DESI1: variants seen among roughly 807,000 people sequenced by gnomAD.
DESI1 encodes desumoylating isopeptidase 1.
A neutral mutation model predicts 22.4 loss-of-function variants in DESI1; 17 were observed. The observed-to-expected ratio is 0.76, with a 90% CI of 0.52 to 1.14. The LOEUF is 1.14. DESI1 is among the 50% of genes most tolerant of loss of function. The pLI is 0.00. For synonymous variants in DESI1, 92 were observed against 84.2 expected (o/e 1.09, Z -0.51); for missense variants, 177 against 208.9 (o/e 0.85, Z 0.94).
At chr22:41,611,870 C>A (rs935680430) in intron 1 of DESI1, among the ~76,000 whole-genome samples, 2 of 152,076 alleles carry the variant, frequency 1.3e-5, no homozygotes, top group Non-Finnish European at 1.5e-5. Context: ...GGATTACAGG[C>A]GTGAGCTACC....
Position 41,603,267 on chromosome 22 carries a change from A to T in DESI1, c.405T>A (p.Val135=), listed in dbSNP as rs1173713952. 1 of 1,614,176 alleles carries T rather than the reference A, an allele frequency of 6.2e-7. No individual in the cohort carries two copies. The highest frequency in any genetic ancestry group is 8.5e-7 in the Non-Finnish European group (1 of 1,180,024). The change falls in exon 5 of 6, where the codon GTT becomes GTA. Residue 135 remains valine, a synonymous_variant. Transcript: ENST00000263256. ...PSYITDLPSE[V]LSTPFGQALR... is the part of the protein sequence containing the mutation. ...ACAGAGGCCACACTTACGTGGAGAG[A>T]ACTTCAGAGGGCAGGTCTGTGATGT...
At chr22:41,608,101 C>G (rs2067493526) in intron 1 of DESI1, among the ~76,000 whole-genome samples, 1 of 152,156 alleles carries the variant, frequency 6.6e-6, no homozygotes, top group African/African-American at 2.4e-5. Context: ...TAAAGGTACC[C>G]CAGTTTTATG....
At chr22:41,613,340 G>A (rs915093760) in intron 1 of DESI1, among the ~76,000 whole-genome samples, 2 of 152,190 alleles carry the variant, frequency 1.3e-5, no homozygotes, top group African/African-American at 2.4e-5. Flanking sequence ...TGACACATGC[G>A]TAGCACAGGG....
At chr22:41,601,241 T>C in intron 5 of DESI1, 51 bp from the exon 6 acceptor site, 1 of 1,529,152 alleles carries the variant, frequency 6.5e-7, no homozygotes, top group Non-Finnish European at 8.8e-7. Context: ...TGTGGCCTGC[T>C]GTCACACACC....
At chr22:41,607,198 C>T (rs1255490379) in intron 3 of DESI1, 64 bp downstream of exon 3, 2 of 1,446,548 alleles carry the variant, frequency 1.4e-6, no homozygotes, top group Non-Finnish European at 1.9e-6. Context: ...AAGCAAAGCT[C>T]CTGGTCTACA....
rs1569063547 is a variant in DESI1, at chr22:41,599,170, G to C, written c.*1927C>G. On this transcript the variant is annotated 3_prime_UTR_variant, in exon 6 of 6. Transcript: ENST00000263256. Reference sequence around the variant, plus strand: ...TTGGAGAGGAAAGGCCTGTGCTGCAGGCCAGACTTCCAGGAAGAAGCAACA... The same window carrying C: ...TTGGAGAGGAAAGGCCTGTGCTGCACGCCAGACTTCCAGGAAGAAGCAACA... 6.6e-6 allele frequency: 1 copy of C among 152,160 alleles called. No homozygotes were observed. The highest frequency in any genetic ancestry group is 1.5e-5 in the Non-Finnish European group (1 of 68,052). The allele number at this position is 152,160 out of a possible 1,614,324, so 9.4% of individuals were successfully genotyped here.
At chr22:41,604,601 T>C (rs2067468514) in intron 3 of DESI1, among the ~76,000 whole-genome samples, 1 of 152,130 alleles carries the variant, frequency 6.6e-6, no homozygotes, top group Admixed American at 6.5e-5. Context: ...TGTGATTTGC[T>C]ATTTGTATCA....
At chr22:41,606,212 A>C (rs539161071) in intron 3 of DESI1, among the ~76,000 whole-genome samples, 2 of 152,188 alleles carry the variant, frequency 1.3e-5, no homozygotes, top group East Asian at 3.9e-4. Flanking sequence ...AATAGAAAAA[A>C]ATAGCAGGGC....
chr22:41,615,787 C>T (rs968600767), intron 1 of DESI1, among the ~76,000 whole-genome samples: 1 of 152,242 alleles, frequency 6.6e-6, no homozygotes, highest in African/African-American at 2.4e-5. Flanking sequence ...CTCTGACATG[C>T]TCAGCTCACC....
Position 41,607,311 on chromosome 22 carries a change from T to C in DESI1, c.131A>G (p.His44Arg), listed in dbSNP as rs1343053679. ...ACTGCCGAAGAAGAACTCATCCTTG[T>C]GCACAACTATGGATGTGTGCCTGTC... ...EGIWHTSIVV[H>R]KDEFFFGSGG... Residue 44 changes from histidine (H) to arginine (R), a missense_variant, in exon 3 of 6, where the codon CAC becomes CGC. His to Arg is a conservative substitution (Grantham distance 29). Transcript: ENST00000263256. 10 of 1,612,854 alleles carry C rather than the reference T, an allele frequency of 6.2e-6. No homozygotes were observed. The highest frequency in any genetic ancestry group is 8.5e-6 in the Non-Finnish European group (10 of 1,179,462).
chr22:41,611,591 C>T (rs1411676294), intron 1 of DESI1, among the ~76,000 whole-genome samples: 11 of 103,896 alleles, frequency 1.1e-4, no homozygotes, highest in South Asian at 3.0e-4. Flanking sequence ...CCTGTTCCTT[C>T]TTTTTTTTTT....
At chr22:41,604,532 C>G (rs1025918707) in intron 3 of DESI1, among the ~76,000 whole-genome samples, 1 of 152,100 alleles carries the variant, frequency 6.6e-6, no homozygotes, top group African/African-American at 2.4e-5. Context: ...CAGGTGTGAG[C>G]TACTGCGCCC....
intron 2 of DESI1, among the ~76,000 whole-genome samples, chr22:41,607,599 T>C (rs2067490657): frequency 6.6e-6 from 1 of 152,204 alleles, no homozygotes; most frequent in African/African-American, 2.4e-5. Flanking sequence ...TCCCTGCCTC[T>C]ATCCACAAGA....
At chr22:41,602,627 G>A (rs1299725083) in intron 5 of DESI1, 12 of 986,434 alleles carry the variant, frequency 1.2e-5, no homozygotes, top group South Asian at 4.7e-5. Flanking sequence ...TGCAATCAAC[G>A]ACAAGAGGGA....
intron 1 of DESI1, among the ~76,000 whole-genome samples, chr22:41,610,234 C>T (rs1293962080): frequency 1.3e-5 from 2 of 151,744 alleles, no homozygotes; most frequent in African/African-American, 4.8e-5. Context: ...CAAAAATTAG[C>T]TGGGCATGGT....
intron 3 of DESI1, 22 bp downstream of exon 3, chr22:41,607,240 G>A (rs750312096): frequency 1.1e-5 from 17 of 1,588,800 alleles, no homozygotes; most frequent in African/African-American, 1.4e-5. Flanking sequence ...CTGCAGGACA[G>A]AGTGTAGGGG....
rs1362200220 is a variant in DESI1, at chr22:41,598,424, C to T, written c.*2673G>A. The T allele has an allele frequency of 1.3e-5, 2 of 152,232 alleles. No homozygotes were observed. Among genetic ancestry groups the T allele is most frequent in the African/African-American group, 4.8e-5 (2 of 41,444 alleles). 9.4% of individuals were successfully genotyped at this position (152,232 alleles called of 1,614,324 possible). A position where few individuals can be genotyped will look rare whatever the true frequency, so the allele number is the denominator to read the frequency against. On this transcript the variant is annotated 3_prime_UTR_variant, in exon 6 of 6. Transcript: ENST00000263256. Reference sequence around the variant, plus strand: ...GCTCCCATTGGGAGGGAGAGCTTGCCTTCCCATGGAGCTCTGGGAAAACTG... The same window carrying T: ...GCTCCCATTGGGAGGGAGAGCTTGCTTTCCCATGGAGCTCTGGGAAAACTG...
chr22:41,603,455 A>G lies in DESI1; in HGVS notation c.291-74T>C, dbSNP rs750686669. 4.4e-6 allele frequency: 7 copies of G among 1,603,842 alleles called. No individual in the cohort carries two copies. In the African/African-American group the frequency reaches 9.4e-5, roughly 21 times the overall value. On this transcript the variant is annotated intron_variant, in intron 4 of 5. Transcript: ENST00000263256. Reference sequence around the variant, plus strand: ...CTATGTGGAATAACTCAAGCTAGGCAGTGGAATGGTGAGCACAGCTCAATG... The same window carrying G: ...CTATGTGGAATAACTCAAGCTAGGCGGTGGAATGGTGAGCACAGCTCAATG...
At chr22:41,602,213 C>T in intron 5 of DESI1, 1 of 985,390 alleles carries the variant, frequency 1.0e-6, no homozygotes, top group African/African-American at 1.7e-5. Context: ...ATGAAGTACT[C>T]CAAAGTATAG....
Sources: gnomAD v4.1 joint callset for allele counts (sites outside exome capture counted in the v4.1 genomes callset) on GRCh38, gnomAD v4.1.1 for gene constraint, MANE v1.5 for transcripts, NCBI Gene and HGNC (gene_info 2026-07-23, HGNC 2026-07-21) for gene names.